GRIK2: variants seen among roughly 807,000 people sequenced by gnomAD.
GRIK2 encodes glutamate ionotropic receptor kainate type subunit 2, also known as glutamate receptor ionotropic, kainate 2.
A neutral mutation model predicts 100.3 loss-of-function variants in GRIK2; 32 were observed. That is an observed-to-expected ratio of 0.32 (90% CI 0.24 to 0.43). GRIK2 has a LOEUF of 0.43. Among genes scored for constraint, GRIK2 ranks in the 20% least tolerant of loss-of-function variants. The pLI is 1.00. For missense variants in GRIK2, 843 were observed against 1,114.9 expected, an observed-to-expected ratio of 0.76 and a Z score of 3.47; for synonymous variants, 417 against 389.4, an observed-to-expected ratio of 1.07 and a Z score of -0.83.
At chr6:101,461,165 CAT>C (rs1480985917) in intron 2 of GRIK2, among the ~76,000 whole-genome samples, 4 of 152,146 alleles carry the variant, frequency 2.6e-5, no homozygotes, top group African/African-American at 9.7e-5. Context: ...TCTGGGTGCA[CAT>C]GTTAGTTTTC....
chr6:101,496,890 G>C (rs1048833507), intron 2 of GRIK2, among the ~76,000 whole-genome samples: 7 of 152,142 alleles, frequency 4.6e-5, no homozygotes, highest in Non-Finnish European at 2.9e-5. Flanking sequence ...TTTTATCATG[G>C]TTTGAGAAAT....
At chr6:101,585,025 AT>A (rs1405493357) in intron 2 of GRIK2, among the ~76,000 whole-genome samples, 1 of 151,980 alleles carries the variant, frequency 6.6e-6, no homozygotes, top group African/African-American at 2.4e-5. Context: ...GTACCTTTTC[AT>A]TTGAAAAGTG....
chr6:101,930,264 C>T (rs1790175459), intron 14 of GRIK2, among the ~76,000 whole-genome samples: 1 of 151,636 alleles, frequency 6.6e-6, no homozygotes, highest in South Asian at 2.1e-4. Context: ...ATCACTTGAG[C>T]CGGGGAGGCA....
intron 9 of GRIK2, among the ~76,000 whole-genome samples, chr6:101,806,162 C>T (rs909299432): frequency 6.6e-6 from 1 of 152,002 alleles, no homozygotes; most frequent in African/African-American, 2.4e-5. Flanking sequence ...GGGGGAAAGA[C>T]AGTAGGTACT....
At chr6:101,864,607 T>G (rs1784936359) in intron 11 of GRIK2, among the ~76,000 whole-genome samples, 1 of 152,126 alleles carries the variant, frequency 6.6e-6, no homozygotes. Flanking sequence ...ATGTGCTGAG[T>G]GGCAAATAGG....
At chr6:101,593,339 T>C (rs1315270749) in intron 2 of GRIK2, among the ~76,000 whole-genome samples, 2 of 151,904 alleles carry the variant, frequency 1.3e-5, no homozygotes, top group African/African-American at 2.4e-5. Context: ...ATTTGTTTCA[T>C]ATATTCTGAT....
At chr6:101,532,937 TAGAGG>T (rs1318812643) in intron 2 of GRIK2, among the ~76,000 whole-genome samples, 1 of 151,566 alleles carries the variant, frequency 6.6e-6, no homozygotes, top group African/African-American at 2.4e-5. Context: ...TATATTTACA[TAGAGG>T]AAAGGGATAT....
chr6:101,549,274 T>TAAAA (rs1776395579), intron 2 of GRIK2, among the ~76,000 whole-genome samples: 1 of 25,558 alleles, frequency 3.9e-5, no homozygotes, highest in African/African-American at 2.6e-4. Context: ...AGTGATGAAC[T>TAAAA]GAAAAAAAAA....
At chr6:101,724,709 GAC>G (rs1774740234) in intron 7 of GRIK2, among the ~76,000 whole-genome samples, 1 of 152,006 alleles carries the variant, frequency 6.6e-6, no homozygotes, top group Non-Finnish European at 1.5e-5. Context: ...AGATGGTCCA[GAC>G]ACAATTCCAA....
chr6:101,607,115 A>G (rs775436006), intron 2 of GRIK2, among the ~76,000 whole-genome samples: 1 of 152,016 alleles, frequency 6.6e-6, no homozygotes, highest in African/African-American at 2.4e-5. Flanking sequence ...CACTAGGCAG[A>G]TAAGGATATA....
intron 10 of GRIK2, among the ~76,000 whole-genome samples, chr6:101,824,973 G>GT (rs989200016): frequency 1.3e-5 from 2 of 152,070 alleles, no homozygotes; most frequent in Non-Finnish European, 2.9e-5. Flanking sequence ...AACAAAAGCA[G>GT]TTTTTTTCTA....
At chr6:101,740,859 G>A (rs1017519968) in intron 7 of GRIK2, among the ~76,000 whole-genome samples, 7 of 152,054 alleles carry the variant, frequency 4.6e-5, no homozygotes, top group African/African-American at 1.7e-4. Context: ...ATTAGCATGG[G>A]TAAAGCACGA....
chr6:101,884,041 A>G (rs549448041), intron 11 of GRIK2, among the ~76,000 whole-genome samples: 1 of 152,112 alleles, frequency 6.6e-6, no homozygotes, highest in African/African-American at 2.4e-5. Flanking sequence ...GTCCATTGTA[A>G]GAGTTCAGGC....
chr6:101,880,750 G>A (rs972345863), intron 11 of GRIK2, among the ~76,000 whole-genome samples: 2 of 151,662 alleles, frequency 1.3e-5, no homozygotes, highest in African/African-American at 2.4e-5. Flanking sequence ...TTTTATTCCT[G>A]GAAAAACTGC....
At chr6:102,010,154 T>C (rs1184540651) in intron 14 of GRIK2, among the ~76,000 whole-genome samples, 1 of 152,178 alleles carries the variant, frequency 6.6e-6, no homozygotes, top group Non-Finnish European at 1.5e-5. Context: ...AGAATGGTTA[T>C]ATTTGTTACT....
intron 14 of GRIK2, chr6:101,993,423 T>C (rs1478300622): frequency 1.3e-5 from 2 of 151,468 alleles, no homozygotes; most frequent in Non-Finnish European, 3.0e-5. Context: ...AAGATGTACT[T>C]ACTATTAATT....
At chr6:102,009,777 T>A (rs944187152) in intron 14 of GRIK2, among the ~76,000 whole-genome samples, 5 of 152,160 alleles carry the variant, frequency 3.3e-5, no homozygotes, top group African/African-American at 1.2e-4. Flanking sequence ...ATGGACACAC[T>A]CAACAACTAT....
intron 14 of GRIK2, among the ~76,000 whole-genome samples, chr6:102,028,026 T>C (rs1769793172): frequency 6.6e-6 from 1 of 151,226 alleles, no homozygotes; most frequent in East Asian, 2.0e-4. Context: ...CACTAAAACA[T>C]TCAGAAAAGA....
intron 7 of GRIK2, among the ~76,000 whole-genome samples, chr6:101,707,436 A>C (rs1773377559): frequency 6.8e-6 from 1 of 147,338 alleles, no homozygotes; most frequent in African/African-American, 2.5e-5. Context: ...ATTCTTTTAT[A>C]TACATTATCA....
Sources: gnomAD v4.1 joint callset for allele counts (sites outside exome capture counted in the v4.1 genomes callset) on GRCh38, gnomAD v4.1.1 for gene constraint, MANE v1.5 for transcripts, NCBI Gene and HGNC (gene_info 2026-07-23, HGNC 2026-07-21) for gene names.